Variants in SEMA6D observed in about 807,000 individuals in gnomAD.
The protein encoded by SEMA6D is semaphorin 6D.
SEMA6D carries 35 observed loss-of-function variants against 106.6 expected under a neutral mutation model. That is an observed-to-expected ratio of 0.33 (90% CI 0.25 to 0.44). The LOEUF is 0.44. Ranked by LOEUF, SEMA6D falls within the 20% of genes least tolerant of loss-of-function variation. The pLI is 1.00. For missense variants in SEMA6D, 1,185 were observed against 1,345.9 expected (o/e 0.88, Z 1.87); for synonymous variants, 499 against 487.7 (o/e 1.02, Z -0.31).
In SEMA6D at chr15:47,751,297, A is replaced by G. The variant is rs151051165; in HGVS notation, c.-54-8448A>G. On this transcript the variant is annotated intron_variant, in intron 1 of 18. Coordinates refer to ENST00000536845, the MANE Select transcript of SEMA6D (RefSeq NM_001358351.3). Reference sequence around the variant, plus strand: ...ACCTCCCTTTTATAATTGATCTTCAATTACAACCCTCCTTGTCTTGATAGG... The same window carrying G: ...ACCTCCCTTTTATAATTGATCTTCAGTTACAACCCTCCTTGTCTTGATAGG... Among the ~76,000 whole-genome samples the G allele has an allele frequency of 3.9e-5, 6 of 152,314 alleles. No homozygotes were observed. The East Asian group carries it at 7.7e-4, about 20-fold the overall frequency.
chr15:47,535,389 A>G (rs1184142377), intron 3 of SEMA6D, among the ~76,000 whole-genome samples: 1 of 152,138 alleles, frequency 6.6e-6, no homozygotes. Flanking sequence ...AGGCAAAGAG[A>G]TATGGGATAT....
chr15:47,316,102 C>CT (rs67090828), intron 1 of SEMA6D, among the ~76,000 whole-genome samples: 1 of 81,458 alleles, frequency 1.2e-5, no homozygotes, highest in African/African-American at 6.4e-5. Context: ...CATTTATTTC[C>CT]TTTTTTTTGA....
chr15:47,315,634 T>C (rs191753878), intron 1 of SEMA6D, among the ~76,000 whole-genome samples: 1 of 152,346 alleles, frequency 6.6e-6, no homozygotes, highest in East Asian at 1.9e-4. Flanking sequence ...ATCTACAAAA[T>C]AACTTGAAGG....
chr15:47,337,006 T>C (rs1185709845), intron 1 of SEMA6D, among the ~76,000 whole-genome samples: 1 of 152,086 alleles, frequency 6.6e-6, no homozygotes, highest in African/African-American at 2.4e-5. Context: ...TTTTACTGAC[T>C]CAAGGGCAGT....
chr15:47,214,823 A>G (rs181802874), intron 1 of SEMA6D, among the ~76,000 whole-genome samples: 1 of 152,274 alleles, frequency 6.6e-6, no homozygotes, highest in East Asian at 1.9e-4. Flanking sequence ...TTTTCTTAGG[A>G]TAGAGTCTGA....
intron 1 of SEMA6D, among the ~76,000 whole-genome samples, chr15:47,213,757 A>C (rs2030283917): frequency 6.6e-6 from 1 of 152,184 alleles, no homozygotes; most frequent in Admixed American, 6.5e-5. Flanking sequence ...GGAAAATGAC[A>C]GCCTGTAGCA....
intron 1 of SEMA6D, among the ~76,000 whole-genome samples, chr15:47,196,809 G>A (rs563314086): frequency 7.2e-5 from 11 of 152,264 alleles, no homozygotes; most frequent in South Asian, 4.1e-4. Context: ...CTACTGGCAC[G>A]AGGCTACAGC....
At chr15:47,244,141 C>T (rs1248513907) in intron 1 of SEMA6D, among the ~76,000 whole-genome samples, 5 of 151,964 alleles carry the variant, frequency 3.3e-5, no homozygotes, top group African/African-American at 1.2e-4. Context: ...ACCTTGGAGG[C>T]ACTTACCAAA....
chr15:47,760,880 TA>T lies in SEMA6D; in HGVS notation c.222-94del, dbSNP rs1336516291. On this transcript the variant is annotated intron_variant, in intron 3 of 18. Coordinates refer to ENST00000536845, the MANE Select transcript of SEMA6D (RefSeq NM_001358351.3). The stretch of plus-strand genomic sequence containing the variant: ...AGACAGAGAAAATCCAGATGATCTC[TA>T]AAACACAATAAAGGCAGATCTGTAA... 3 of 1,111,808 alleles carry T rather than the reference TA, an allele frequency of 2.7e-6. No homozygotes were observed. In the African/African-American group the frequency reaches 4.8e-5, roughly 18 times the overall value. 68.9% of individuals were successfully genotyped at this position (1,111,808 alleles called of 1,614,324 possible). A position where few individuals can be genotyped will look rare whatever the true frequency, so the allele number is the denominator to read the frequency against.
intron 3 of SEMA6D, among the ~76,000 whole-genome samples, chr15:47,479,731 G>A (rs187936706): frequency 6.6e-6 from 1 of 152,046 alleles, no homozygotes; most frequent in East Asian, 1.9e-4. Flanking sequence ...AAAGGAATGA[G>A]GTTATAAAAA....
chr15:47,718,122 T>C (rs1172118897), intron 1 of SEMA6D, among the ~76,000 whole-genome samples: 1 of 152,128 alleles, frequency 6.6e-6, no homozygotes, highest in Non-Finnish European at 1.5e-5. Flanking sequence ...CGCACATAGC[T>C]GGGGTTAGCA....
chr15:47,277,612 ATTT>A (rs1220764146), intron 1 of SEMA6D, among the ~76,000 whole-genome samples: 8 of 115,372 alleles, frequency 6.9e-5, no homozygotes, highest in African/African-American at 2.5e-4. Flanking sequence ...TATTATTATT[ATTT>A]ATTATTATTA....
intron 4 of SEMA6D, among the ~76,000 whole-genome samples, chr15:47,622,751 T>C (rs1372104827): frequency 2.0e-5 from 3 of 152,156 alleles, no homozygotes; most frequent in Non-Finnish European, 4.4e-5. Context: ...AATTACATTT[T>C]AGCATTTGTT....
chr15:47,531,946 A>G (rs1696647019), intron 3 of SEMA6D, among the ~76,000 whole-genome samples: 1 of 152,226 alleles, frequency 6.6e-6, no homozygotes, highest in Non-Finnish European at 1.5e-5. Flanking sequence ...GTGCAAAAGT[A>G]ATGGCAAAAC....
chr15:47,724,440 A>T (rs1279728296), intron 1 of SEMA6D, among the ~76,000 whole-genome samples: 1 of 152,248 alleles, frequency 6.6e-6, no homozygotes, highest in Non-Finnish European at 1.5e-5. Flanking sequence ...GAAAAGATAT[A>T]CACAGACTTA....
chr15:47,335,495 G>A (rs1166196829), intron 1 of SEMA6D, among the ~76,000 whole-genome samples: 3 of 152,116 alleles, frequency 2.0e-5, no homozygotes, highest in Non-Finnish European at 2.9e-5. Context: ...TGAAGCAGCT[G>A]ATATGCTTCC....
At chr15:47,756,915 T>TTC (rs11431646) in intron 1 of SEMA6D, among the ~76,000 whole-genome samples, 5 of 142,404 alleles carry the variant, frequency 3.5e-5, no homozygotes, top group Admixed American at 7.0e-5. Flanking sequence ...TTTTTTTTTT[T>TTC]CAGAAATACA....
chr15:47,582,536 A>G (rs949912911), intron 3 of SEMA6D, among the ~76,000 whole-genome samples: 3 of 152,118 alleles, frequency 2.0e-5, no homozygotes, highest in African/African-American at 7.2e-5. Context: ...GTGTGGTGTG[A>G]AGAGGCTGCT....
At chr15:47,217,091 G>A (rs62017401) in intron 1 of SEMA6D, among the ~76,000 whole-genome samples, 1,846 of 152,194 alleles carry the variant, frequency 0.012, 41 homozygotes, top group Admixed American at 0.012. Flanking sequence ...ACCTGAATCT[G>A]CCTGGACCTT....
Sources: allele counts gnomAD v4.1 joint callset (sites outside exome capture counted in the v4.1 genomes callset), GRCh38; gene constraint gnomAD v4.1.1; transcripts MANE v1.5; gene names NCBI Gene and HGNC (gene_info 2026-07-23, HGNC 2026-07-21).